Variants in ZYG11A observed in about 807,000 individuals in gnomAD.
The protein encoded by ZYG11A is protein zyg-11 homolog A.
ZYG11A carries 62 observed loss-of-function variants against 77.2 expected under a neutral mutation model. That is an observed-to-expected ratio of 0.80 (90% CI 0.65 to 0.99). The LOEUF (loss-of-function observed/expected upper bound fraction) is 0.99, where lower values mean the gene tolerates loss of function less well. Ranked by LOEUF, ZYG11A falls within the 50% of genes least tolerant of loss-of-function variation. The pLI, the probability that ZYG11A is intolerant of heterozygous loss-of-function variation, is 0.00. For missense variants in ZYG11A, 828 were observed against 896.8 expected (o/e 0.92, Z 0.98); for synonymous variants, 315 against 324.6 (o/e 0.97, Z 0.32).
intron 2 of ZYG11A, among the ~76,000 whole-genome samples, chr1:52,856,396 G>A (rs764978197): frequency 2.7e-4 from 40 of 149,652 alleles, no homozygotes; most frequent in African/African-American, 9.2e-4. Flanking sequence ...CTTGGGAAGC[G>A]GAGGTTGCAG....
intron 1 of ZYG11A, among the ~76,000 whole-genome samples, chr1:52,851,089 T>C (rs1208370059): frequency 1.3e-5 from 2 of 151,998 alleles, no homozygotes; most frequent in Non-Finnish European, 2.9e-5. Flanking sequence ...CAGGCTGGAG[T>C]GGAGGGGCGC....
intron 3 of ZYG11A, among the ~76,000 whole-genome samples, chr1:52,859,962 G>T (rs1436849441): frequency 6.6e-6 from 1 of 152,126 alleles, no homozygotes; most frequent in Non-Finnish European, 1.5e-5. Flanking sequence ...ACAGGCCTGA[G>T]CCATTGTGCC....
chr1:52,889,439 T>TAA (rs139715588), intron 13 of ZYG11A, among the ~76,000 whole-genome samples: 2 of 145,800 alleles, frequency 1.4e-5, no homozygotes, highest in East Asian at 2.0e-4. Flanking sequence ...TCTTTTAAAT[T>TAA]AAAAAAAAAA....
In ZYG11A at chr1:52,893,281, T is replaced by C; in HGVS notation, c.*324T>C. On this transcript the variant is annotated 3_prime_UTR_variant, in exon 14 of 14. Coordinates refer to ENST00000371528, the MANE Select transcript of ZYG11A (RefSeq NM_001004339.3). The stretch of plus-strand genomic sequence containing the variant: ...ATTTTTTCCCTTTGGGAGCTTGTCA[T>C]GGGAGTGGGACCTGTTCACTAGAAG... 1 of 247,142 alleles carries C rather than the reference T, an allele frequency of 4.0e-6. No homozygotes were observed. Among genetic ancestry groups the C allele is most frequent in the Non-Finnish European group, 7.9e-6 (1 of 126,808 alleles). The allele number at this position is 247,142 out of a possible 1,614,324, so 15.3% of individuals were successfully genotyped here. A position where few individuals can be genotyped will look rare whatever the true frequency, so the allele number is the denominator to read the frequency against.
At chr1:52,891,049 C>G (rs1646534942) in intron 13 of ZYG11A, among the ~76,000 whole-genome samples, 1 of 151,356 alleles carries the variant, frequency 6.6e-6, no homozygotes. Flanking sequence ...CAGAGGCCCA[C>G]CACTATGCCC....
In ZYG11A at chr1:52,885,846, A is replaced by T. The variant is rs1344999838; in HGVS notation, c.1958A>T (p.Gln653Leu). The change falls in exon 12 of 14, where the codon CAG becomes CTG. Residue 653 changes from glutamine to leucine, a missense_variant. Gln to Leu is a moderately radical substitution (Grantham distance 113). Transcript: ENST00000371528. The part of the protein sequence containing the change: ...TLLQDLHATI[Q>L]NWPSSSCKMT... The stretch of plus-strand genomic sequence containing the variant: ...TTTTTGGAGTAGCATGCAACCATAC[A>T]GAATTGGCCAAGTTCAAGTTGTAAG... 1 of 1,548,296 alleles carries T rather than the reference A, an allele frequency of 6.5e-7. No homozygotes were observed. Among genetic ancestry groups the T allele is most frequent in the Non-Finnish European group, 8.7e-7 (1 of 1,145,564 alleles).
At chr1:52,891,434 G>A (rs1174056122) in intron 13 of ZYG11A, among the ~76,000 whole-genome samples, 1 of 151,874 alleles carries the variant, frequency 6.6e-6, no homozygotes, top group East Asian at 1.9e-4. Flanking sequence ...TTTTAGAATG[G>A]ATTGGCGTGT....
intron 8 of ZYG11A, among the ~76,000 whole-genome samples, chr1:52,869,730 A>G (rs1197300843): frequency 1.4e-5 from 2 of 147,570 alleles, no homozygotes; most frequent in Non-Finnish European, 2.9e-5. Context: ...CGCCATTGTC[A>G]TCATGGCCCG....
chr1:52,851,527 G>C (rs377393791), intron 1 of ZYG11A, among the ~76,000 whole-genome samples: 1 of 150,154 alleles, frequency 6.7e-6, no homozygotes, highest in East Asian at 2.0e-4. Flanking sequence ...CCTCCCGAGT[G>C]GCTGGGATTA....
intron 8 of ZYG11A, among the ~76,000 whole-genome samples, chr1:52,873,413 G>A (rs1010431411): frequency 1.3e-5 from 2 of 152,160 alleles, no homozygotes; most frequent in African/African-American, 4.8e-5. Flanking sequence ...GGATAACTTC[G>A]AGGGGTCCAA....
intron 3 of ZYG11A, among the ~76,000 whole-genome samples, chr1:52,858,093 G>A (rs1645852337): frequency 6.7e-6 from 1 of 149,642 alleles, no homozygotes; most frequent in Admixed American, 6.6e-5. Flanking sequence ...GGCCACACGT[G>A]AGAATATAAT....
At chr1:52,876,219 T>A (rs1260045740) in intron 8 of ZYG11A, among the ~76,000 whole-genome samples, 2 of 152,168 alleles carry the variant, frequency 1.3e-5, no homozygotes, top group Non-Finnish European at 2.9e-5. Context: ...TAAGTGTCCT[T>A]TTGAAATTTA....
At chr1:52,868,520 G>T (rs552263782) in intron 8 of ZYG11A, among the ~76,000 whole-genome samples, 1 of 152,030 alleles carries the variant, frequency 6.6e-6, no homozygotes, top group Admixed American at 6.6e-5. Flanking sequence ...TGTGGCTCAC[G>T]CCTGTAATCC....
chr1:52,857,096 A>G lies in ZYG11A; in HGVS notation c.355A>G (p.Ile119Val), dbSNP rs556122769. Reference protein sequence around the residue: ...QKAKISTAAFIKAFCRHKLIE... With the variant: ...QKAKISTAAFVKAFCRHKLIE... The stretch of plus-strand genomic sequence containing the variant: ...AGCTAAAATCTCTACAGCTGCATTC[A>G]TAAAAGCCTTCTGCCGTCATAAGCT... Residue 119 changes from isoleucine (I) to valine (V), a missense_variant, in exon 3 of 14, where the codon ATA becomes GTA. Physicochemically the swap from Ile to Val is conservative, Grantham distance 29. Transcript: ENST00000371528. The G allele has an allele frequency of 6.4e-7, 1 of 1,551,820 alleles. No homozygotes were observed. The highest frequency in any genetic ancestry group is 2.4e-5 in the East Asian group (1 of 40,926).
intron 11 of ZYG11A, 169 bp downstream of exon 11, chr1:52,881,834 C>T (rs1271028268): frequency 5.7e-6 from 3 of 525,860 alleles, no homozygotes; most frequent in African/African-American, 3.9e-5. Flanking sequence ...CATTTTGTTG[C>T]ATATGACTTA....
chr1:52,866,668 TG>T (rs775972293), intron 6 of ZYG11A, 101 bp downstream of exon 6: 27 of 677,820 alleles, frequency 4.0e-5, no homozygotes, highest in Non-Finnish European at 6.6e-5. Context: ...GAGAAGGTTC[TG>T]TTGAGCATCT....
chr1:52,893,035 C>A lies in ZYG11A; in HGVS notation c.*78C>A. 7.6e-7 allele frequency: 1 copy of A among 1,314,478 alleles called. No homozygotes were observed. The highest frequency in any genetic ancestry group is 1.4e-5 in the South Asian group (1 of 69,472). The allele number at this position is 1,314,478 out of a possible 1,614,324, so 81.4% of individuals were successfully genotyped here. On this transcript the variant is annotated 3_prime_UTR_variant, in exon 14 of 14. Transcript: ENST00000371528. ...CTGGCAGTAATTGCACATCAGTTGT[C>A]ATTGGAGTTTGTGAGTTGGCTGTCT...
At chr1:52,874,053 T>C (rs1406473065) in intron 8 of ZYG11A, among the ~76,000 whole-genome samples, 1 of 151,920 alleles carries the variant, frequency 6.6e-6, no homozygotes, top group Non-Finnish European at 1.5e-5. Flanking sequence ...GGTCAATTGA[T>C]GGGGCAAACA....
chr1:52,853,070 G>A (rs1356892998), intron 1 of ZYG11A, among the ~76,000 whole-genome samples: 6 of 152,182 alleles, frequency 3.9e-5, no homozygotes, highest in African/African-American at 1.4e-4. Context: ...CTAAGCATTG[G>A]AGCCCATTGA....
Sources: gnomAD v4.1 joint callset for allele counts (sites outside exome capture counted in the v4.1 genomes callset) on GRCh38, gnomAD v4.1.1 for gene constraint, MANE v1.5 for transcripts, NCBI Gene and HGNC (gene_info 2026-07-23, HGNC 2026-07-21) for gene names.